FBXL20: variants seen among roughly 807,000 people sequenced by gnomAD.
FBXL20 encodes the protein F-box/LRR-repeat protein 20.
FBXL20 carries 11 observed loss-of-function variants against 64.0 expected under a neutral mutation model. The observed-to-expected ratio is 0.17, with a 90% CI of 0.11 to 0.28. The LOEUF is 0.28. FBXL20 is among the 10% of genes least tolerant of loss of function. FBXL20 has a pLI of 1.00. For synonymous variants in FBXL20, 184 were observed against 189.0 expected, an observed-to-expected ratio of 0.97 and a Z score of 0.22; for missense variants, 303 against 526.2, an observed-to-expected ratio of 0.58 and a Z score of 4.15.
intron 9 of FBXL20, among the ~76,000 whole-genome samples, chr17:39,280,259 C>T (rs1404632671): frequency 1.3e-5 from 2 of 150,248 alleles, no homozygotes; most frequent in Non-Finnish European, 3.0e-5. Flanking sequence ...AAAAATTAGC[C>T]GGGCATGGTG....
At chr17:39,265,314 C>T (rs2046781142) in intron 13 of FBXL20, 83 bp downstream of exon 13, 5 of 1,038,500 alleles carry the variant, frequency 4.8e-6, no homozygotes, top group Non-Finnish European at 7.2e-6. Flanking sequence ...GGTAGCCAGA[C>T]ACTAAGAGCT....
At chr17:39,287,964 A>T (rs1359423096) in intron 6 of FBXL20, among the ~76,000 whole-genome samples, 1 of 147,916 alleles carries the variant, frequency 6.8e-6, no homozygotes, top group Non-Finnish European at 1.5e-5. Context: ...TTCTGTAATG[A>T]AAACTTTTTT....
rs1055738456 is a variant in FBXL20, at chr17:39,258,281, C to T, written c.*3179G>A. The T allele has an allele frequency of 1.3e-5, 2 of 152,232 alleles. No individual in the cohort carries two copies. Among genetic ancestry groups the T allele is most frequent in the Admixed American group, 1.3e-4 (2 of 15,282 alleles). The allele number at this position is 152,232 out of a possible 1,614,324, so 9.4% of individuals were successfully genotyped here. The stretch of plus-strand genomic sequence containing the variant: ...AAGCATTATGTTCAGATGTCAGGCT[C>T]CTTTCCACCTGACCAAAACTTACCA... On this transcript the variant is annotated 3_prime_UTR_variant, in exon 15 of 15. Transcript: ENST00000264658.
intron 1 of FBXL20, among the ~76,000 whole-genome samples, chr17:39,389,104 CA>C (rs752930971): frequency 0.033 from 1,738 of 52,602 alleles, 20 homozygotes; most frequent in African/African-American, 0.089. Context: ...AACTCCATCT[CA>C]AAAAAAAAAA....
chr17:39,324,776 C>T (rs2047394789), intron 2 of FBXL20, among the ~76,000 whole-genome samples: 1 of 152,074 alleles, frequency 6.6e-6, no homozygotes, highest in African/African-American at 2.4e-5. Context: ...TGCATTGCAG[C>T]AAGGTTTGAT....
At chr17:39,394,425 A>G (rs1351684222) in intron 1 of FBXL20, among the ~76,000 whole-genome samples, 2 of 151,224 alleles carry the variant, frequency 1.3e-5, no homozygotes, top group East Asian at 1.9e-4. Context: ...GGCACCTGCC[A>G]CCACGCCAGG....
Position 39,261,562 on chromosome 17 carries a change from A to G in FBXL20, c.1209T>C (p.His403=). Residue 403 remains histidine, a synonymous_variant, in exon 15 of 15, where the codon CAT becomes CAC. Coordinates refer to ENST00000264658, the MANE Select transcript of FBXL20 (RefSeq NM_032875.3). ...TRAGIKRLRT[H]LPNIKVHAYF... Reference sequence around the variant, plus strand: ...AGGCGTGGACTTTAATATTGGGTAAATGGGTCTGAAACAAGACAGAAACAT... The same window carrying G: ...AGGCGTGGACTTTAATATTGGGTAAGTGGGTCTGAAACAAGACAGAAACAT... 1.2e-6 allele frequency: 2 copies of G among 1,609,932 alleles called. No individual in the cohort carries two copies. The highest frequency in any genetic ancestry group is 2.2e-5 in the East Asian group (1 of 44,814).
rs1477050198 is a variant in FBXL20, at chr17:39,335,871, T to C, written c.104+7309A>G. On this transcript the variant is annotated intron_variant, in intron 2 of 14. Transcript: ENST00000264658. Reference sequence around the variant, plus strand: ...AAAAGGGGAAACAGGCTGGGTGCAGTGGCTCATGCCTGTAATCCTAATACT... The same window carrying C: ...AAAAGGGGAAACAGGCTGGGTGCAGCGGCTCATGCCTGTAATCCTAATACT... 3.3e-5 allele frequency among the ~76,000 whole-genome samples: 5 copies of C among 152,180 alleles called. No individual in the cohort carries two copies. The East Asian group carries it at 9.6e-4, about 29-fold the overall frequency.
At chr17:39,400,575 C>A (rs1476911406) in intron 1 of FBXL20, among the ~76,000 whole-genome samples, 5 of 152,232 alleles carry the variant, frequency 3.3e-5, no homozygotes, top group Non-Finnish European at 7.4e-5. Context: ...TCAGTAGTTA[C>A]AATATTTCAC....
At chr17:39,270,925 AG>A in intron 10 of FBXL20, 69 bp from the exon 11 acceptor site, 1 of 1,284,410 alleles carries the variant, frequency 7.8e-7, no homozygotes, top group Non-Finnish European at 1.1e-6. Flanking sequence ...TTATTAAAAC[AG>A]TAAGAATTTA....
intron 1 of FBXL20, among the ~76,000 whole-genome samples, chr17:39,371,624 A>C (rs2047919143): frequency 6.6e-6 from 1 of 151,848 alleles, no homozygotes; most frequent in Non-Finnish European, 1.5e-5. Flanking sequence ...ATTCCTCCAA[A>C]GAACAAATCT....
chr17:39,319,610 G>C (rs1597795485), intron 2 of FBXL20, among the ~76,000 whole-genome samples: 1 of 149,880 alleles, frequency 6.7e-6, no homozygotes, highest in East Asian at 2.0e-4. Context: ...GCTTGAACCT[G>C]GGAGGCAGAG....
At chr17:39,332,174 C>T (rs1378152307) in intron 2 of FBXL20, among the ~76,000 whole-genome samples, 3 of 152,136 alleles carry the variant, frequency 2.0e-5, no homozygotes, top group Non-Finnish European at 4.4e-5. Flanking sequence ...GAATTTAAAC[C>T]GAAGGAGAGG....
At chr17:39,363,928 C>G (rs1424671611) in intron 1 of FBXL20, among the ~76,000 whole-genome samples, 1 of 128,540 alleles carries the variant, frequency 7.8e-6, no homozygotes, top group Non-Finnish European at 1.6e-5. Flanking sequence ...CCCACTCGGT[C>G]GCCCAGGCTG....
At chr17:39,384,387 TGGTGGTGCG>T (rs1478981395) in intron 1 of FBXL20, among the ~76,000 whole-genome samples, 1 of 151,100 alleles carries the variant, frequency 6.6e-6, no homozygotes, top group Non-Finnish European at 1.5e-5. Context: ...TAGCTGGGAG[TGGTGGTGCG>T]CGCCTGTAGT....
chr17:39,371,179 G>C (rs1264375705), intron 1 of FBXL20, among the ~76,000 whole-genome samples: 1 of 152,090 alleles, frequency 6.6e-6, no homozygotes. Context: ...GATCCAGCCT[G>C]GGCAATGAGG....
At chr17:39,386,249 G>C (rs1414262359) in intron 1 of FBXL20, among the ~76,000 whole-genome samples, 1 of 152,080 alleles carries the variant, frequency 6.6e-6, no homozygotes, top group African/African-American at 2.4e-5. Flanking sequence ...AGAGGTTGCA[G>C]TGAGCGGAGA....
chr17:39,350,904 C>A (rs908828907), intron 1 of FBXL20, among the ~76,000 whole-genome samples: 9 of 152,100 alleles, frequency 5.9e-5, no homozygotes, highest in Non-Finnish European at 1.0e-4. Context: ...TCTATTTTAA[C>A]AAGACCTCTA....
In FBXL20 at chr17:39,282,852, C is replaced by T; in HGVS notation, c.498G>A (p.Glu166=). 6 of 1,614,122 alleles carry T rather than the reference C, an allele frequency of 3.7e-6. No homozygotes were observed. Among genetic ancestry groups the T allele is most frequent in the Non-Finnish European group, 5.1e-6 (6 of 1,180,008 alleles). The change falls in exon 8 of 15, where the codon GAG becomes GAA. Residue 166 remains glutamate, a synonymous_variant. Coordinates refer to ENST00000264658, the MANE Select transcript of FBXL20 (RefSeq NM_032875.3). ...TCAACTGCTCCAACAGTGGACATCC[C>T]TCACTTAGGATAAAACAAAATAAGA... The part of the protein sequence containing the change: ...ITNMSLKALS[E]GCPLLEQLNI...
Sources: gnomAD v4.1 joint callset for allele counts (sites outside exome capture counted in the v4.1 genomes callset) on GRCh38, gnomAD v4.1.1 for gene constraint, MANE v1.5 for transcripts, NCBI Gene and HGNC (gene_info 2026-07-23, HGNC 2026-07-21) for gene names.